ZDHHC2: variants seen among roughly 807,000 people sequenced by gnomAD.
ZDHHC2 encodes the protein zDHHC palmitoyltransferase 2, also known as palmitoyltransferase ZDHHC2.
ZDHHC2 carries 51 observed loss-of-function variants against 55.6 expected under a neutral mutation model. The ratio of observed to expected loss-of-function variants is 0.92; its 90% CI spans 0.73 to 1.16. The LOEUF is 1.16. Ranked by LOEUF, ZDHHC2 falls within the 50% of genes most tolerant of loss-of-function variation. ZDHHC2 has a pLI of 0.00. For missense variants in ZDHHC2, 491 were observed against 442.4 expected, an observed-to-expected ratio of 1.11 and a Z score of -0.99; for synonymous variants, 199 against 152.9, an observed-to-expected ratio of 1.30 and a Z score of -2.22.
At chr8:17,176,910 A>G (rs1032548269) in intron 1 of ZDHHC2, among the ~76,000 whole-genome samples, 7 of 152,214 alleles carry the variant, frequency 4.6e-5, no homozygotes, top group African/African-American at 1.4e-4. Flanking sequence ...AATAAATTCA[A>G]AAATGTATTA....
At chr8:17,163,814 GT>G (rs1019254557) in intron 1 of ZDHHC2, among the ~76,000 whole-genome samples, 7 of 152,286 alleles carry the variant, frequency 4.6e-5, no homozygotes, top group Admixed American at 2.0e-4. Flanking sequence ...TAGAAAGACA[GT>G]TTTAATATTA....
rs550935135 is a variant in ZDHHC2, at chr8:17,195,181, A to G, written c.253-323A>G. Among the ~76,000 whole-genome samples the G allele has an allele frequency of 5.5e-4, 84 of 152,322 alleles. 1 individual carries two copies. The Middle Eastern group carries it at 0.01, about 19-fold the overall frequency. On this transcript the variant is annotated intron_variant, in intron 3 of 12. Coordinates refer to ENST00000262096, the MANE Select transcript of ZDHHC2 (RefSeq NM_016353.5). The stretch of plus-strand genomic sequence containing the variant: ...TTATGTTTATTCATTGGGCCATCTT[A>G]TCTATCAATGTAACTCATATTTTGT...
intron 1 of ZDHHC2, among the ~76,000 whole-genome samples, chr8:17,178,278 C>T (rs1462862618): frequency 4.6e-5 from 7 of 152,172 alleles, no homozygotes; most frequent in African/African-American, 7.2e-5. Flanking sequence ...AAAAAATGTA[C>T]GAGTGGAATA....
At position 17,173,668 on chromosome 8, in the gene ZDHHC2, A is replaced by G. The variant is rs536988424; in HGVS notation, c.131-11121A>G. Among the ~76,000 whole-genome samples, 456 of 141,140 alleles carry G rather than the reference A, an allele frequency of 3.2e-3. 2 individuals carry two copies. Among genetic ancestry groups the G allele is most frequent in the Non-Finnish European group, 5.3e-3 (332 of 62,530 alleles). 92.6% of individuals were successfully genotyped at this position (141,140 alleles called of 152,430 possible). On this transcript the variant is annotated intron_variant, in intron 1 of 12. Coordinates refer to ENST00000262096, the MANE Select transcript of ZDHHC2 (RefSeq NM_016353.5). ...CTGCATTCCAGCTTGAGAGACGGAA[A>G]AAGACCCTGTCTTAAAAAAAAAAAG...
chr8:17,180,172 A>T (rs1189017205), intron 1 of ZDHHC2, among the ~76,000 whole-genome samples: 4 of 152,114 alleles, frequency 2.6e-5, no homozygotes, highest in South Asian at 2.1e-4. Flanking sequence ...ATTTTTTTTT[A>T]AAGTAATTGT....
intron 1 of ZDHHC2, among the ~76,000 whole-genome samples, chr8:17,166,326 G>A (rs1487577850): frequency 1.3e-5 from 2 of 152,194 alleles, no homozygotes; most frequent in Non-Finnish European, 1.5e-5. Context: ...GTGTAAGAAA[G>A]AAAGGAGTCA....
intron 6 of ZDHHC2, among the ~76,000 whole-genome samples, chr8:17,204,618 T>C (rs1443731769): frequency 1.3e-5 from 2 of 151,934 alleles, no homozygotes; most frequent in Admixed American, 6.6e-5. Context: ...TGAGAACACA[T>C]GGACACAGAG....
chr8:17,210,140 C>T (rs1359777472), intron 9 of ZDHHC2, 82 bp downstream of exon 9: 10 of 1,442,984 alleles, frequency 6.9e-6, no homozygotes, highest in Non-Finnish European at 9.3e-6. Flanking sequence ...GCCTCTAGTT[C>T]CATAGGCTTG....
At chr8:17,210,887 T>C (rs1208077974) in intron 10 of ZDHHC2, among the ~76,000 whole-genome samples, 1 of 152,174 alleles carries the variant, frequency 6.6e-6, no homozygotes, top group African/African-American at 2.4e-5. Flanking sequence ...TTGAGGCTTT[T>C]GGAGATCAAA....
At position 17,217,202 on chromosome 8, in the gene ZDHHC2, A is replaced by G; in HGVS notation, c.1094A>G (p.Asn365Ser). The change falls in exon 12 of 13, where the codon AAT becomes AGT. Residue 365 changes from asparagine to serine, a missense_variant. By Grantham distance (46) the Asn-to-Ser change is conservative (BLOSUM62 1). Coordinates refer to ENST00000262096, the MANE Select transcript of ZDHHC2 (RefSeq NM_016353.5). ...AGCAATCCTGCATTAACCATGGAAA[A>G]TGAGACTTAACTCTTCAAGCAAGAT... ...GMSNPALTME[N>S]ET The G allele has an allele frequency of 1.2e-6, 2 of 1,611,210 alleles. No individual in the cohort carries two copies. Among genetic ancestry groups the G allele is most frequent in the Non-Finnish European group, 8.5e-7 (1 of 1,178,448 alleles).
rs1470956181 is a variant in ZDHHC2, at chr8:17,224,737, T to TAG, written c.*4516_*4517insAG. 1 of 151,806 alleles carries TAG rather than the reference T, an allele frequency of 6.6e-6. No homozygotes were observed. Among genetic ancestry groups the TAG allele is most frequent in the Non-Finnish European group, 1.5e-5 (1 of 67,750 alleles). The allele number at this position is 151,806 out of a possible 1,614,324, so 9.4% of individuals were successfully genotyped here. ...TTTTGTCAGTTTAGATTTTGTGTCT[T>TAG]TTTCTGTCAGTATGTATGGCTCCCT... On this transcript the variant is annotated 3_prime_UTR_variant, in exon 13 of 13. Coordinates refer to ENST00000262096, the MANE Select transcript of ZDHHC2 (RefSeq NM_016353.5).
intron 6 of ZDHHC2, among the ~76,000 whole-genome samples, chr8:17,199,612 C>CTTCTTCTTCCT (rs1554466231): frequency 1.2e-4 from 8 of 68,828 alleles, no homozygotes; most frequent in African/African-American, 2.0e-4. Flanking sequence ...ATTCTTTCTT[C>CTTCTTCTTCCT]TTCTTCTTCT....
chr8:17,168,961 G>C (rs1365613420), intron 1 of ZDHHC2, among the ~76,000 whole-genome samples: 2 of 152,026 alleles, frequency 1.3e-5, no homozygotes, highest in Non-Finnish European at 2.9e-5. Flanking sequence ...CTACCTTTTT[G>C]GCTATTCTGA....
At chr8:17,199,533 TGTCTTCGTCTTCTG>T (rs1806560488) in intron 6 of ZDHHC2, among the ~76,000 whole-genome samples, 5 of 31,290 alleles carry the variant, frequency 1.6e-4, no homozygotes, top group South Asian at 9.6e-4. Flanking sequence ...CTTCGTCTTC[TGTCTTCGTCTTCTG>T]TCTTCGTCTT....
chr8:17,185,402 A>G (rs1805657541), intron 2 of ZDHHC2, among the ~76,000 whole-genome samples: 3 of 152,132 alleles, frequency 2.0e-5, no homozygotes, highest in South Asian at 4.1e-4. Context: ...CATGCCTGTA[A>G]TCTCAGCACC....
At chr8:17,186,248 A>T in intron 2 of ZDHHC2, 83 bp from the exon 3 acceptor site, 1 of 898,322 alleles carries the variant, frequency 1.1e-6, no homozygotes, top group Non-Finnish European at 1.7e-6. Flanking sequence ...TGGTTATTTT[A>T]AAACAAGCAG....
intron 4 of ZDHHC2, 127 bp downstream of exon 4, chr8:17,195,751 A>G (rs938432114): frequency 1.6e-6 from 2 of 1,283,814 alleles, no homozygotes; most frequent in Non-Finnish European, 1.1e-6. Flanking sequence ...TATTTCTTGG[A>G]TTGCTGTTAA....
intron 3 of ZDHHC2, among the ~76,000 whole-genome samples, chr8:17,186,733 CAT>C: frequency 6.6e-6 from 1 of 152,226 alleles, no homozygotes; most frequent in Admixed American, 6.5e-5. Context: ...AGAAGGTAGA[CAT>C]AATTCTATGA....
intron 1 of ZDHHC2, among the ~76,000 whole-genome samples, chr8:17,174,602 G>A (rs907001165): frequency 6.6e-6 from 1 of 151,898 alleles, no homozygotes; most frequent in Non-Finnish European, 1.5e-5. Context: ...AGCACAGAAA[G>A]CAAATCTTTT....
Sources: allele counts gnomAD v4.1 joint callset (sites outside exome capture counted in the v4.1 genomes callset), GRCh38; gene constraint gnomAD v4.1.1; transcripts MANE v1.5; gene names NCBI Gene and HGNC (gene_info 2026-07-23, HGNC 2026-07-21).